EPSTI1: variants seen among roughly 807,000 people sequenced by gnomAD.
The protein encoded by EPSTI1 is epithelial stromal interaction 1, also known as epithelial-stromal interaction protein 1.
EPSTI1 carries 66 observed loss-of-function variants against 49.9 expected under a neutral mutation model. The observed-to-expected ratio is 1.32, with a 90% CI of 1.08 to 1.62. The LOEUF is 1.62. Among genes scored for constraint, EPSTI1 ranks in the 40% most tolerant of loss-of-function variants. The pLI is 0.00. For synonymous variants in EPSTI1, 137 were observed against 130.7 expected, an observed-to-expected ratio of 1.05 and a Z score of -0.33; for missense variants, 394 against 365.5, an observed-to-expected ratio of 1.08 and a Z score of -0.64.
chr13:42,942,980 G>A (rs977797939), intron 6 of EPSTI1, among the ~76,000 whole-genome samples: 3 of 152,090 alleles, frequency 2.0e-5, no homozygotes, highest in Non-Finnish European at 2.9e-5. Flanking sequence ...GAGCCACCGC[G>A]CCCAGCCCTG....
chr13:42,968,954 A>ACACACACACACACACACAT (rs5803160), intron 3 of EPSTI1, 140 bp downstream of exon 3: 2 of 528,072 alleles, frequency 3.8e-6, no homozygotes, highest in African/African-American at 4.4e-5. Flanking sequence ...ACACACACAC[A>ACACACACACACACACACAT]ATTAAATGCA....
rs554801717 is a variant in EPSTI1 at position 42,940,945 on chromosome 13, TA to T, written c.563+13002del. On this transcript the variant is annotated intron_variant, in intron 6 of 10. Coordinates refer to ENST00000313624, the MANE Select transcript of EPSTI1 (RefSeq NM_033255.5). ...GAGTTGTTATTTTCTTATTATCCTA[TA>T]AACATTCTTTGTGAAATTAAGCCTT... Among the ~76,000 whole-genome samples, 220 of 152,346 alleles carry T rather than the reference TA, an allele frequency of 1.4e-3. 1 individual carries two copies. Among genetic ancestry groups the T allele is most frequent in the South Asian group, 3.3e-3 (16 of 4,828 alleles).
intron 7 of EPSTI1, 47 bp from the exon 8 acceptor site, chr13:42,917,671 G>A (rs777160405): frequency 1.5e-6 from 2 of 1,300,150 alleles, no homozygotes; most frequent in Admixed American, 2.2e-5. Flanking sequence ...AACTTGATAG[G>A]ATAAAGGGTT....
At chr13:42,954,251 A>G (rs956312717) in intron 5 of EPSTI1, among the ~76,000 whole-genome samples, 1 of 152,210 alleles carries the variant, frequency 6.6e-6, no homozygotes, top group Non-Finnish European at 1.5e-5. Context: ...CTTGATTGGT[A>G]TAATCACAGA....
At chr13:42,918,741 T>C (rs1021300003) in intron 7 of EPSTI1, among the ~76,000 whole-genome samples, 4 of 152,202 alleles carry the variant, frequency 2.6e-5, no homozygotes, top group Admixed American at 2.0e-4. Flanking sequence ...CCCTGCTGCA[T>C]TGGGCAGGTA....
chr13:42,906,612 T>G (rs1456311287), intron 8 of EPSTI1, among the ~76,000 whole-genome samples: 2 of 152,180 alleles, frequency 1.3e-5, no homozygotes, highest in Non-Finnish European at 2.9e-5. Context: ...AGAAAAGCTT[T>G]CGGGGGAAGG....
chr13:42,939,182 G>A (rs1448267772), intron 6 of EPSTI1, among the ~76,000 whole-genome samples: 1 of 152,164 alleles, frequency 6.6e-6, no homozygotes, highest in Non-Finnish European at 1.5e-5. Flanking sequence ...TGGCTTAAGG[G>A]AATGTTTTGG....
chr13:42,938,745 C>G (rs1443126191), intron 6 of EPSTI1, among the ~76,000 whole-genome samples: 2 of 151,758 alleles, frequency 1.3e-5, no homozygotes, highest in Non-Finnish European at 2.9e-5. Flanking sequence ...GAAACACCAT[C>G]TCTACTAAAA....
At chr13:42,936,351 C>T (rs2038562777) in intron 6 of EPSTI1, among the ~76,000 whole-genome samples, 1 of 152,158 alleles carries the variant, frequency 6.6e-6, no homozygotes, top group African/African-American at 2.4e-5. Context: ...AATCTATTCC[C>T]ATATCTCCAT....
intron 8 of EPSTI1, among the ~76,000 whole-genome samples, chr13:42,913,474 T>C (rs2037744378): frequency 6.6e-6 from 1 of 152,224 alleles, no homozygotes; most frequent in African/African-American, 2.4e-5. Flanking sequence ...GTATACTTCA[T>C]ATTGATAAAA....
chr13:42,948,684 C>T (rs1180759156), intron 6 of EPSTI1, among the ~76,000 whole-genome samples: 1 of 151,992 alleles, frequency 6.6e-6, no homozygotes, highest in Non-Finnish European at 1.5e-5. Context: ...CCTATGTTGC[C>T]CAAGCTGGTC....
At chr13:42,985,758 G>A (rs372303720) in intron 1 of EPSTI1, among the ~76,000 whole-genome samples, 10 of 152,132 alleles carry the variant, frequency 6.6e-5, no homozygotes, top group Non-Finnish European at 1.3e-4. Context: ...AAATCCAACC[G>A]GGCTTGCAGC....
At chr13:42,936,591 A>G (rs371209322) in intron 6 of EPSTI1, among the ~76,000 whole-genome samples, 24 of 152,312 alleles carry the variant, frequency 1.6e-4, no homozygotes, top group East Asian at 9.6e-4. Context: ...CGAACTCTAC[A>G]TGATAGAGCT....
At chr13:42,987,043 A>T (rs1234622265) in intron 1 of EPSTI1, among the ~76,000 whole-genome samples, 1 of 152,062 alleles carries the variant, frequency 6.6e-6, no homozygotes, top group African/African-American at 2.4e-5. Flanking sequence ...TTTATGATAA[A>T]CCTGTAATCA....
Position 42,922,418 on chromosome 13 carries a change from G to A in EPSTI1, c.657+3918C>T, listed in dbSNP as rs1023798691. Among the ~76,000 whole-genome samples the A allele has an allele frequency of 6.6e-6, 1 of 151,902 alleles. No homozygotes were observed. Among genetic ancestry groups the A allele is most frequent in the Non-Finnish European group, 1.5e-5 (1 of 68,030 alleles). ...GGAAGGCAGAAAGGTCAGGGAGGGT[G>A]CAGAAGGTTGGGTGAGATGGAAGCT... On this transcript the variant is annotated intron_variant, in intron 7 of 10. Transcript: ENST00000313624. The surrounding 1 kb of genome is among the most constrained non-coding windows in gnomAD (Gnocchi z 4.8).
intron 8 of EPSTI1, among the ~76,000 whole-genome samples, chr13:42,903,637 C>T (rs2037421771): frequency 6.6e-6 from 1 of 152,136 alleles, no homozygotes; most frequent in Admixed American, 6.5e-5. Context: ...ATGTAGTTTA[C>T]CATAAGGTTG....
intron 5 of EPSTI1, among the ~76,000 whole-genome samples, chr13:42,955,878 G>GGCT (rs1555266325): frequency 3.1e-5 from 1 of 32,524 alleles, no homozygotes. Context: ...AGAAGTATTT[G>GGCT]GGGGGGGGGG....
chr13:42,970,479 T>TA (rs998230984), intron 2 of EPSTI1, 133 bp downstream of exon 2: 155 of 697,966 alleles, frequency 2.2e-4, no homozygotes, highest in South Asian at 4.0e-4. Context: ...TAATCAAAAC[T>TA]AAAAAAAACA....
chr13:42,941,005 AGAT>A (rs1408234194), intron 6 of EPSTI1, among the ~76,000 whole-genome samples: 1 of 152,100 alleles, frequency 6.6e-6, no homozygotes, highest in African/African-American at 2.4e-5. Context: ...ATTTTTTCCT[AGAT>A]TATTATTTAC....
Sources: allele counts gnomAD v4.1 joint callset (sites outside exome capture counted in the v4.1 genomes callset), GRCh38; gene constraint gnomAD v4.1.1; non-coding constraint Gnocchi (gnomAD v3.1); transcripts MANE v1.5; gene names NCBI Gene and HGNC (gene_info 2026-07-23, HGNC 2026-07-21).